Variants in MIS18A observed in about 807,000 individuals in gnomAD.
MIS18A encodes MIS18 kinetochore protein A, also known as protein Mis18-alpha.
MIS18A carries 14 observed loss-of-function variants against 25.0 expected under a neutral mutation model. The observed-to-expected ratio is 0.56, with a 90% CI of 0.37 to 0.88. The LOEUF is 0.88. MIS18A is among the 40% of genes least tolerant of loss of function. The probability of loss-of-function intolerance (pLI) is 0.00; values close to 1 mark genes in which losing one functional copy is unlikely to be tolerated. For missense variants in MIS18A, 292 were observed against 290.8 expected (o/e 1.00, Z -0.03); for synonymous variants, 134 against 118.6 (o/e 1.13, Z -0.84).
At chr21:32,266,305 C>A (rs893673767), downstream of MIS18A, among the ~76,000 whole-genome samples, 2 of 152,180 alleles carry the variant, frequency 1.3e-5, no homozygotes, top group African/African-American at 2.4e-5. Context: ...CACCAATCAG[C>A]GCCCTGACAA....
chr21:32,231,903 C>T, the MIS18A span, among the ~76,000 whole-genome samples: 172 of 152,228 alleles, frequency 1.1e-3, no homozygotes, highest in African/African-American at 3.9e-3. Flanking sequence ...AAGAGCAAGA[C>T]TCCGTCTCAA....
At chr21:32,222,147 T>C in the MIS18A span, among the ~76,000 whole-genome samples, 1 of 150,318 alleles carries the variant, frequency 6.7e-6, no homozygotes, top group Non-Finnish European at 1.5e-5. Context: ...GCAATCCTAG[T>C]CTTTGATAAA....
the MIS18A span, among the ~76,000 whole-genome samples, chr21:32,163,125 C>T: frequency 6.6e-6 from 1 of 152,204 alleles, no homozygotes; most frequent in South Asian, 2.1e-4. Flanking sequence ...CTGGTTTAAT[C>T]CCCTTTCGCT....
At chr21:32,163,532 C>T in the MIS18A span, among the ~76,000 whole-genome samples, 2 of 152,200 alleles carry the variant, frequency 1.3e-5, no homozygotes, top group African/African-American at 4.8e-5. Context: ...TCTACATCAG[C>T]ATCCGCAAAA....
At chr21:32,261,185 T>C in the MIS18A span, 1 of 152,354 alleles carries the variant, frequency 6.6e-6, no homozygotes, top group South Asian at 2.1e-4. Context: ...GCATACATCA[T>C]TATGCCTCGC....
the MIS18A span, among the ~76,000 whole-genome samples, chr21:32,251,143 T>C: frequency 6.6e-6 from 1 of 152,066 alleles, no homozygotes; most frequent in African/African-American, 2.4e-5. Flanking sequence ...GAACTACGAG[T>C]CAATTAAACC....
chr21:32,279,029 C>T lies in MIS18A; in HGVS notation c.-15G>A, dbSNP rs778425543. Reference sequence around the variant, plus strand: ...ACGCCTGCCATTACCTACAAATCGCCCGCGCCCCAGAGCGCCATGGGAAAA... The same window carrying T: ...ACGCCTGCCATTACCTACAAATCGCTCGCGCCCCAGAGCGCCATGGGAAAA... On this transcript the variant is annotated 5_prime_UTR_variant, in exon 1 of 5. Coordinates refer to ENST00000290130, the MANE Select transcript of MIS18A (RefSeq NM_018944.3). 5.2e-5 allele frequency: 83 copies of T among 1,582,954 alleles called. No individual in the cohort carries two copies. The highest frequency in any genetic ancestry group is 7.1e-5 in the Non-Finnish European group (83 of 1,165,330).
At chr21:32,263,616 G>A (rs568164345), downstream of MIS18A, among the ~76,000 whole-genome samples, 10 of 151,988 alleles carry the variant, frequency 6.6e-5, 1 homozygote, top group South Asian at 1.9e-3. Context: ...AAATAAAATC[G>A]TATTTCCAGA....
At chr21:32,193,061 G>T in the MIS18A span, among the ~76,000 whole-genome samples, 25 of 152,252 alleles carry the variant, frequency 1.6e-4, no homozygotes, top group South Asian at 4.2e-4. Flanking sequence ...GACAGCAAAG[G>T]TTCCATGCCC....
chr21:32,176,539 C>T, the MIS18A span, among the ~76,000 whole-genome samples: 12 of 152,140 alleles, frequency 7.9e-5, no homozygotes, highest in South Asian at 1.0e-3. Flanking sequence ...GTAAACATGA[C>T]CTATCAAAAC....
the MIS18A span, among the ~76,000 whole-genome samples, chr21:32,170,035 A>G: frequency 6.6e-6 from 1 of 152,300 alleles, no homozygotes; most frequent in South Asian, 2.1e-4. Flanking sequence ...CTATCCCTGA[A>G]TAAGCCCAGA....
the MIS18A span, among the ~76,000 whole-genome samples, chr21:32,211,079 C>T: frequency 1.5e-3 from 225 of 152,242 alleles, no homozygotes; most frequent in Non-Finnish European, 2.6e-3. Flanking sequence ...CTTGCTCTGT[C>T]GCCCAGGCTG....
At chr21:32,212,519 C>A in the MIS18A span, among the ~76,000 whole-genome samples, 1 of 152,168 alleles carries the variant, frequency 6.6e-6, no homozygotes, top group East Asian at 1.9e-4. Context: ...AGTAGGGGTG[C>A]TGCTCAGGTG....
the MIS18A span, among the ~76,000 whole-genome samples, chr21:32,207,082 G>A: frequency 2.1e-4 from 32 of 152,092 alleles, no homozygotes; most frequent in Non-Finnish European, 5.9e-5. Context: ...CCACGCCTGC[G>A]CCCCAGCTGT....
chr21:32,158,979 C>T, the MIS18A span, among the ~76,000 whole-genome samples: 123 of 152,164 alleles, frequency 8.1e-4, 2 homozygotes, highest in African/African-American at 2.8e-3. Flanking sequence ...TATAAAATCA[C>T]TTTCCTTTTT....
At chr21:32,188,136 C>G in the MIS18A span, among the ~76,000 whole-genome samples, 1 of 152,350 alleles carries the variant, frequency 6.6e-6, no homozygotes, top group East Asian at 1.9e-4. Context: ...TCTTGGACTT[C>G]CAGCCTCCAG....
the MIS18A span, among the ~76,000 whole-genome samples, chr21:32,235,154 A>G: frequency 6.6e-6 from 1 of 152,118 alleles, no homozygotes; most frequent in Non-Finnish European, 1.5e-5. Context: ...CACTAAGGGC[A>G]CCCATTTCCT....
At chr21:32,265,092 C>CTT (rs960725839), downstream of MIS18A, among the ~76,000 whole-genome samples, 1 of 152,216 alleles carries the variant, frequency 6.6e-6, no homozygotes. Flanking sequence ...CTGGGGAGAT[C>CTT]TGTCTGAAGC....
the MIS18A span, among the ~76,000 whole-genome samples, chr21:32,167,534 T>C: frequency 1.3e-5 from 2 of 152,116 alleles, no homozygotes; most frequent in Admixed American, 1.3e-4. Context: ...AAATGAAGAT[T>C]GGTGAGCTGC....
Sources: allele counts gnomAD v4.1 joint callset (sites outside exome capture counted in the v4.1 genomes callset), GRCh38; gene constraint gnomAD v4.1.1; transcripts MANE v1.5; gene names NCBI Gene and HGNC (gene_info 2026-07-23, HGNC 2026-07-21).